The following GMDS variants were observed in gnomAD, a reference collection of about 807,000 sequenced individuals.
GMDS encodes the protein GDP-mannose 4,6-dehydratase.
A neutral mutation model predicts 49.9 loss-of-function variants in GMDS; 20 were observed. That is an observed-to-expected ratio of 0.40 (90% confidence interval 0.28 to 0.58). GMDS has a LOEUF of 0.58. Among genes scored for constraint, GMDS ranks in the 20% least tolerant of loss-of-function variants. The probability of loss-of-function intolerance (pLI) is 0.42; values close to 1 mark genes in which losing one functional copy is unlikely to be tolerated. For synonymous variants in GMDS, 177 were observed against 178.6 expected, an observed-to-expected ratio of 0.99 and a Z score of 0.07; for missense variants, 362 against 481.4, an observed-to-expected ratio of 0.75 and a Z score of 2.32.
intron 7 of GMDS, among the ~76,000 whole-genome samples, chr6:1,777,420 T>C (rs934741578): frequency 2.6e-5 from 4 of 152,268 alleles, no homozygotes; most frequent in Non-Finnish European, 4.4e-5. Context: ...TTATGTTATT[T>C]CTATATTTCT....
At chr6:2,194,248 T>G (rs567910042) in intron 1 of GMDS, among the ~76,000 whole-genome samples, 6 of 152,154 alleles carry the variant, frequency 3.9e-5, no homozygotes, top group Middle Eastern at 3.2e-3. Flanking sequence ...GAGTTCAAGG[T>G]TAATTTTTTA....
At chr6:2,119,234 T>C (rs1002983950) in intron 2 of GMDS, among the ~76,000 whole-genome samples, 2 of 152,176 alleles carry the variant, frequency 1.3e-5, no homozygotes, top group African/African-American at 2.4e-5. Flanking sequence ...TATTAATATA[T>C]ATTCATTACA....
chr6:1,674,940 C>CT (rs1052803589), intron 9 of GMDS, among the ~76,000 whole-genome samples: 1 of 151,268 alleles, frequency 6.6e-6, no homozygotes, highest in African/African-American at 2.4e-5. Context: ...AAATTTCTTT[C>CT]TTTTTTTCTT....
At chr6:1,815,478 C>A (rs1770619626) in intron 7 of GMDS, among the ~76,000 whole-genome samples, 1 of 152,162 alleles carries the variant, frequency 6.6e-6, no homozygotes, top group Non-Finnish European at 1.5e-5. Flanking sequence ...ATCCCTAGAC[C>A]TGCGCAACAG....
At chr6:1,957,583 G>T (rs1459067428) in intron 6 of GMDS, among the ~76,000 whole-genome samples, 1 of 152,156 alleles carries the variant, frequency 6.6e-6, no homozygotes, top group Non-Finnish European at 1.5e-5. Flanking sequence ...GTATGCTACA[G>T]TTGAGGTCAA....
At chr6:1,857,925 G>A (rs1441257934) in intron 7 of GMDS, among the ~76,000 whole-genome samples, 1 of 152,138 alleles carries the variant, frequency 6.6e-6, no homozygotes, top group African/African-American at 2.4e-5. Flanking sequence ...CTAAGATAAA[G>A]AACTACCACA....
At chr6:1,757,854 G>C (rs1202751164) in intron 7 of GMDS, among the ~76,000 whole-genome samples, 1 of 152,178 alleles carries the variant, frequency 6.6e-6, no homozygotes, top group Non-Finnish European at 1.5e-5. Context: ...CATTGAAAAA[G>C]TAAAAAGAAA....
intron 4 of GMDS, among the ~76,000 whole-genome samples, chr6:2,045,210 A>T (rs1465611984): frequency 6.6e-6 from 1 of 151,722 alleles, no homozygotes; most frequent in East Asian, 1.9e-4. Flanking sequence ...TTTAAGGAAA[A>T]ATCTCCTCTC....
rs144099459 is a variant in GMDS at position 2,109,015 on chromosome 6, T to C, written c.345+6756A>G. Reference sequence around the variant, plus strand: ...GTGGCAGGAAATACAGTTATTTGAATGAGGAAGACATTCTTGCAATCATTT... The same window carrying C: ...GTGGCAGGAAATACAGTTATTTGAACGAGGAAGACATTCTTGCAATCATTT... On this transcript the variant is annotated intron_variant, in intron 4 of 10. Transcript: ENST00000380815. 2.5e-3 allele frequency among the ~76,000 whole-genome samples: 381 copies of C among 152,312 alleles called. 1 individual carries two copies. The highest frequency in any genetic ancestry group is 8.9e-3 in the African/African-American group (370 of 41,570).
chr6:2,218,029 G>C (rs1036069693), intron 1 of GMDS, among the ~76,000 whole-genome samples: 8 of 152,162 alleles, frequency 5.3e-5, no homozygotes, highest in Non-Finnish European at 1.2e-4. Context: ...GCTGACAAGT[G>C]GTTTGTCAAG....
chr6:2,092,875 A>G (rs1332499763), intron 4 of GMDS, among the ~76,000 whole-genome samples: 1 of 152,240 alleles, frequency 6.6e-6, no homozygotes, highest in Non-Finnish European at 1.5e-5. Flanking sequence ...ATTGAATAGC[A>G]ATATAAATGA....
At chr6:1,960,117 G>T in intron 5 of GMDS, 146 bp from the exon 6 acceptor site, 3 of 510,912 alleles carry the variant, frequency 5.9e-6, no homozygotes, top group South Asian at 3.3e-5. Context: ...ACGAAATAAA[G>T]GTTATTACAC....
chr6:1,665,069 A>G (rs757766827), intron 9 of GMDS, among the ~76,000 whole-genome samples: 7 of 152,180 alleles, frequency 4.6e-5, no homozygotes, highest in Non-Finnish European at 1.0e-4. Flanking sequence ...ATCTTTGATC[A>G]CTATATTCAG....
intron 7 of GMDS, among the ~76,000 whole-genome samples, chr6:1,919,368 A>G (rs1761595789): frequency 6.6e-6 from 1 of 152,218 alleles, no homozygotes. Flanking sequence ...AAGCTATCCT[A>G]TGGAGTAATT....
chr6:1,813,959 T>C (rs1311939375), intron 7 of GMDS, among the ~76,000 whole-genome samples: 2 of 152,180 alleles, frequency 1.3e-5, no homozygotes, highest in African/African-American at 4.8e-5. Context: ...AATTGCTTCA[T>C]GTGAGTAAAT....
At chr6:1,675,347 G>A (rs1048976559) in intron 9 of GMDS, among the ~76,000 whole-genome samples, 5 of 149,630 alleles carry the variant, frequency 3.3e-5, no homozygotes, top group African/African-American at 7.4e-5. Flanking sequence ...TTGTTTCTTC[G>A]GGATTTTCTA....
At chr6:1,853,710 A>G (rs1461417609) in intron 7 of GMDS, among the ~76,000 whole-genome samples, 1 of 152,198 alleles carries the variant, frequency 6.6e-6, no homozygotes, top group Non-Finnish European at 1.5e-5. Context: ...AAAAGTGATT[A>G]GCTATTGAAG....
At chr6:1,829,323 G>A (rs898839114) in intron 7 of GMDS, among the ~76,000 whole-genome samples, 6 of 152,154 alleles carry the variant, frequency 3.9e-5, no homozygotes, top group African/African-American at 9.7e-5. Context: ...GAACGTGTGC[G>A]TATGTGTATA....
chr6:2,068,435 G>T (rs1221820609), intron 4 of GMDS, among the ~76,000 whole-genome samples: 1 of 152,068 alleles, frequency 6.6e-6, no homozygotes, highest in African/African-American at 2.4e-5. Flanking sequence ...GCAGGAGAAG[G>T]AAATAAAGGG....
Sources: gnomAD v4.1 joint callset for allele counts (sites outside exome capture counted in the v4.1 genomes callset) on GRCh38, gnomAD v4.1.1 for gene constraint, MANE v1.5 for transcripts, NCBI Gene and HGNC (gene_info 2026-07-23, HGNC 2026-07-21) for gene names.